UMODL1: variants seen among roughly 807,000 people sequenced by gnomAD.
UMODL1 encodes uromodulin like 1.
Under a neutral mutation model 136.3 loss-of-function variants are expected in UMODL1, and 128 were observed. The ratio of observed to expected loss-of-function variants is 0.94; its 90% CI spans 0.81 to 1.09. UMODL1 has a LOEUF of 1.09. UMODL1 is among the 50% of genes least tolerant of loss of function. The pLI, the probability that UMODL1 is intolerant of heterozygous loss-of-function variation, is 0.00. For synonymous variants in UMODL1, 721 were observed against 720.0 expected, an observed-to-expected ratio of 1.00 and a Z score of -0.02; for missense variants, 1,766 against 1,725.6, an observed-to-expected ratio of 1.02 and a Z score of -0.41.
intron 1 of UMODL1, among the ~76,000 whole-genome samples, chr21:42,063,619 G>A (rs936827140): frequency 1.3e-5 from 2 of 152,310 alleles, no homozygotes; most frequent in African/African-American, 2.4e-5. Flanking sequence ...CAGGAGCAGT[G>A]GAAACCTCTG....
In UMODL1 at chr21:42,123,490, TG is replaced by T. The variant is rs1209650797; in HGVS notation, c.3147+341del. 3.5e-5 allele frequency among the ~76,000 whole-genome samples: 5 copies of T among 142,876 alleles called. No homozygotes were observed. The highest frequency in any genetic ancestry group is 1.3e-4 in the African/African-American group (5 of 39,800). The allele number at this position is 142,876 out of a possible 152,430, so 93.7% of individuals were successfully genotyped here. A position where few individuals can be genotyped will look rare whatever the true frequency, so the allele number is the denominator to read the frequency against. ...CCTGTGTGATATGAGAGTGTGTGTG[TG>T]TGAGTGTACGTGTGTGCATGTGTGC... On this transcript the variant is annotated intron_variant, in intron 17 of 22. Transcript: ENST00000408910. This position sits in a 1 kb window ranked among gnomAD's most constrained non-coding sequence, Gnocchi z 4.4.
chr21:42,122,201 C>T lies in UMODL1; in HGVS notation c.2828-630C>T, dbSNP rs918877749. ...CACTGCTGAAGGAGGGTGGAGGGCA[C>T]GTGCGGAGCTGTGTCTGGGGTCTGC... On this transcript the variant is annotated intron_variant, in intron 16 of 22. Coordinates refer to ENST00000408910, the MANE Select transcript of UMODL1 (RefSeq NM_001004416.3). This position sits in a 1 kb window ranked among gnomAD's most constrained non-coding sequence, Gnocchi z 4.3. Among the ~76,000 whole-genome samples the T allele has an allele frequency of 4.6e-5, 7 of 152,086 alleles. No individual in the cohort carries two copies. Among genetic ancestry groups the T allele is most frequent in the Non-Finnish European group, 7.4e-5 (5 of 68,016 alleles).
intron 9 of UMODL1, among the ~76,000 whole-genome samples, chr21:42,108,125 C>T (rs548982167): frequency 6.6e-6 from 1 of 152,338 alleles, no homozygotes; most frequent in South Asian, 2.1e-4. Flanking sequence ...TGGGAGCTGT[C>T]TGGGGGGACG....
chr21:42,111,413 G>T, intron 11 of UMODL1, 93 bp from the exon 12 acceptor site: 1 of 1,613,516 alleles, frequency 6.2e-7, no homozygotes, highest in Non-Finnish European at 8.5e-7. Flanking sequence ...CACTATCGGG[G>T]TGATAGGCAC....
Position 42,115,941 on chromosome 21 carries a change from A to G in UMODL1, c.2431A>G (p.Ser811Gly), listed in dbSNP as rs779104833. 1 of 1,613,954 alleles carries G rather than the reference A, an allele frequency of 6.2e-7. No homozygotes were observed. The highest frequency in any genetic ancestry group is 8.5e-7 in the Non-Finnish European group (1 of 1,179,994). ...GTACTCAGAATCCTTTCGCAACGCAAGCAGCCAGGAGTATCGAGATTTCCT... is the reference window on the plus strand; with the variant it reads ...GTACTCAGAATCCTTTCGCAACGCAGGCAGCCAGGAGTATCGAGATTTCCT... ...VRYSESFRNA[S>G]SQEYRDFLEL... Residue 811 changes from serine to glycine, a missense_variant, in exon 14 of 23, where the codon AGC becomes GGC. By Grantham distance (56) the Ser-to-Gly change is moderately conservative. Transcript: ENST00000408910.
intron 8 of UMODL1, 136 bp from the exon 9 acceptor site, chr21:42,103,732 G>T: frequency 2.0e-6 from 2 of 1,018,174 alleles, no homozygotes; most frequent in Non-Finnish European, 1.5e-6. Flanking sequence ...GCTCTGAGAG[G>T]TCGGTCGTCA....
In UMODL1 at chr21:42,134,119, C is replaced by T. The variant is rs191756773; in HGVS notation, c.3776-3320C>T. On this transcript the variant is annotated intron_variant, in intron 21 of 22. Transcript: ENST00000408910. ...TATTTTCAGTAGAGATGGAGTTTCA[C>T]CATGTTGGCCAGGATGGTCTCGATC... Among the ~76,000 whole-genome samples the T allele has an allele frequency of 3.0e-3, 463 of 152,280 alleles. 1 individual carries two copies. Among genetic ancestry groups the T allele is most frequent in the Non-Finnish European group, 4.7e-3 (318 of 68,030 alleles).
intron 6 of UMODL1, among the ~76,000 whole-genome samples, chr21:42,097,326 G>A (rs547483889): frequency 7.7e-4 from 117 of 152,284 alleles, no homozygotes; most frequent in Middle Eastern, 6.8e-3. Flanking sequence ...GCTGGGAGGT[G>A]GAGTGGCAGG....
intron 22 of UMODL1, among the ~76,000 whole-genome samples, chr21:42,140,191 G>C (rs555874008): frequency 1.3e-4 from 20 of 152,358 alleles, no homozygotes; most frequent in African/African-American, 3.6e-4. Context: ...CGACGAAGAG[G>C]GGGTGGGCTG....
chr21:42,108,954 C>G lies in UMODL1; in HGVS notation c.1520-608C>G. Among the ~76,000 whole-genome samples the G allele has an allele frequency of 2.2e-5, 2 of 92,856 alleles. 1 individual carries two copies. The highest frequency in any genetic ancestry group is 9.5e-5 in the African/African-American group (2 of 21,092). The allele number at this position is 92,856 out of a possible 152,430, so 60.9% of individuals were successfully genotyped here. On this transcript the variant is annotated intron_variant, in intron 9 of 22. Coordinates refer to ENST00000408910, the MANE Select transcript of UMODL1 (RefSeq NM_001004416.3). ...GAAGTCCATGTTATACTCAGGCTGACCCCCACTCCTGGCATGTAAAGCTGG... is the reference window on the plus strand; with the variant it reads ...GAAGTCCATGTTATACTCAGGCTGAGCCCCACTCCTGGCATGTAAAGCTGG...
At chr21:42,113,521 T>G in intron 12 of UMODL1, 52 bp from the exon 13 acceptor site, 1 of 1,570,902 alleles carries the variant, frequency 6.4e-7, no homozygotes, top group Non-Finnish European at 8.6e-7. Context: ...AGGCTTCTTT[T>G]CTCCTAGAAA....
chr21:42,075,227 A>AT (rs1221907426), intron 1 of UMODL1, among the ~76,000 whole-genome samples: 1 of 124,340 alleles, frequency 8.0e-6, no homozygotes, highest in African/African-American at 3.2e-5. Flanking sequence ...TTTAAAAAAT[A>AT]TTTTTGCTGG....
At position 42,075,177 on chromosome 21, in the gene UMODL1, C is replaced by T. The variant is rs575264126; in HGVS notation, c.77-828C>T. ...CCTCCCAAAGTGCTGGGATTGATTA[C>T]AGGCATGAGCCACCGCGCCCAGCCC... On this transcript the variant is annotated intron_variant, in intron 1 of 22. Transcript: ENST00000408910. Among the ~76,000 whole-genome samples the T allele has an allele frequency of 7.2e-5, 11 of 152,146 alleles. No individual in the cohort carries two copies. In the East Asian group the frequency reaches 2.1e-3, roughly 29 times the overall value.
chr21:42,130,987 G>C (rs2067127271), intron 21 of UMODL1, among the ~76,000 whole-genome samples: 1 of 152,020 alleles, frequency 6.6e-6, no homozygotes, highest in African/African-American at 2.4e-5. Context: ...CTAATTTTTT[G>C]TATCTTTAGT....
intron 2 of UMODL1, among the ~76,000 whole-genome samples, chr21:42,077,050 TG>T (rs2066302411): frequency 1.5e-5 from 2 of 137,886 alleles, no homozygotes; most frequent in South Asian, 4.3e-4. Context: ...TGTGTGTGTG[TG>T]TGTGTGTGTG....
At chr21:42,108,285 A>G in intron 9 of UMODL1, 1 of 511,984 alleles carries the variant, frequency 2.0e-6, no homozygotes, top group Non-Finnish European at 4.0e-6. Flanking sequence ...GAGCACCCCC[A>G]GGAGAGTTAC....
At chr21:42,092,118 C>T (rs939815156) in intron 6 of UMODL1, among the ~76,000 whole-genome samples, 2 of 152,152 alleles carry the variant, frequency 1.3e-5, no homozygotes, top group African/African-American at 2.4e-5. Flanking sequence ...GTGGGAACTA[C>T]GGGGATCCGG....
Position 42,137,604 on chromosome 21 carries a change from AG to A in UMODL1, c.3943del (p.Val1315CysfsTer15). The A allele has an allele frequency of 6.2e-7, 1 of 1,612,862 alleles. No individual in the cohort carries two copies. The highest frequency in any genetic ancestry group is 1.3e-5 in the African/African-American group (1 of 74,864). ...ATCCAGTCCAACAACTTCAGCTACC[AG>A]GTGTTCTACGAATAGGAGGCGCAGG... ...FKIQSNNFSYQVFYE is the reference protein window; with the variant it reads ...FKIQSNNFSYXVFYE On this transcript the variant is annotated frameshift_variant, in exon 22 of 23. Transcript: ENST00000408910. LOFTEE classifies it high-confidence loss of function.
chr21:42,090,725 G>C (rs546724743), intron 6 of UMODL1, among the ~76,000 whole-genome samples: 1 of 152,200 alleles, frequency 6.6e-6, no homozygotes, highest in Non-Finnish European at 1.5e-5. Flanking sequence ...GCAGTCCCAC[G>C]TGTGTTGTTA....
Sources: gnomAD v4.1 joint callset for allele counts (sites outside exome capture counted in the v4.1 genomes callset) on GRCh38, gnomAD v4.1.1 for gene constraint, Gnocchi (gnomAD v3.1) non-coding constraint, MANE v1.5 for transcripts, NCBI Gene and HGNC (gene_info 2026-07-23, HGNC 2026-07-21) for gene names.